HERPUD2: variants seen among roughly 807,000 people sequenced by gnomAD.
HERPUD2 encodes HERPUD family member 2.
Under a neutral mutation model 49.9 loss-of-function variants are expected in HERPUD2, and 13 were observed. The observed-to-expected ratio is 0.26, with a 90% confidence interval of 0.17 to 0.41. The LOEUF (loss-of-function observed/expected upper bound fraction) is 0.41. HERPUD2 is among the 10% of genes least tolerant of loss of function. The probability of loss-of-function intolerance (pLI) is 1.00; values close to 1 mark genes in which losing one functional copy is unlikely to be tolerated. For synonymous variants in HERPUD2, 172 were observed against 171.4 expected (o/e 1.00, Z -0.03); for missense variants, 449 against 492.2 (o/e 0.91, Z 0.83).
intron 5 of HERPUD2, among the ~76,000 whole-genome samples, chr7:35,641,089 A>G (rs1366592443): frequency 2.0e-5 from 3 of 152,194 alleles, no homozygotes; most frequent in Non-Finnish European, 4.4e-5. Flanking sequence ...GTTGCAATAA[A>G]TTGTAGTTAA....
Position 35,637,634 on chromosome 7 carries a change from C to T in HERPUD2, c.617+716G>A, listed in dbSNP as rs568908373. Among the ~76,000 whole-genome samples the T allele has an allele frequency of 4.6e-5, 7 of 152,156 alleles. No homozygotes were observed. In the South Asian group the frequency reaches 1.5e-3, roughly 32 times the overall value. ...CACAGAGAGCTAACAACTAAGACCA[C>T]GCAAAAAAGAAATCCAAGAGAACTA... On this transcript the variant is annotated intron_variant, in intron 6 of 8. Transcript: ENST00000311350.
At chr7:35,657,552 T>C (rs147657952) in intron 5 of HERPUD2, among the ~76,000 whole-genome samples, 170 of 136,280 alleles carry the variant, frequency 1.2e-3, no homozygotes, top group African/African-American at 4.7e-3. Context: ...AGCCCAGGAG[T>C]ATGATCATGC....
At chr7:35,662,650 G>C (rs192432245) in intron 5 of HERPUD2, among the ~76,000 whole-genome samples, 1 of 152,262 alleles carries the variant, frequency 6.6e-6, no homozygotes, top group East Asian at 1.9e-4. Context: ...AGATTTTCTA[G>C]TTTATTTGCG....
At chr7:35,661,294 G>C (rs548639033) in intron 5 of HERPUD2, among the ~76,000 whole-genome samples, 83 of 152,318 alleles carry the variant, frequency 5.4e-4, no homozygotes, top group African/African-American at 1.9e-3. Flanking sequence ...TTGTAGTATA[G>C]TTTGAGGTCA....
chr7:35,636,102 T>G (rs1247251039), intron 6 of HERPUD2, among the ~76,000 whole-genome samples: 1 of 152,190 alleles, frequency 6.6e-6, no homozygotes. Flanking sequence ...CAGTAAAGAA[T>G]AAATTTCCTA....
At position 35,633,507 on chromosome 7, in the gene HERPUD2, A is replaced by C. The variant is rs1455599724; in HGVS notation, c.*183T>G. ...TAGGATCTTTAAAAAAAAAAAAAAAAAACTCAGATATTTAGTAGTCCATTC... is the reference window on the plus strand; with the variant it reads ...TAGGATCTTTAAAAAAAAAAAAAAACAACTCAGATATTTAGTAGTCCATTC... On this transcript the variant is annotated 3_prime_UTR_variant, in exon 9 of 9. Coordinates refer to ENST00000311350, the MANE Select transcript of HERPUD2 (RefSeq NM_022373.5). 4 of 455,830 alleles carry C rather than the reference A, an allele frequency of 8.8e-6. No individual in the cohort carries two copies. The highest frequency in any genetic ancestry group is 7.9e-5 in the Admixed American group (2 of 25,414). The allele number at this position is 455,830 out of a possible 1,614,324, so 28.2% of individuals were successfully genotyped here.
intron 5 of HERPUD2, among the ~76,000 whole-genome samples, chr7:35,646,267 G>A (rs1264240120): frequency 1.3e-5 from 2 of 152,074 alleles, no homozygotes; most frequent in Non-Finnish European, 2.9e-5. Context: ...CATTTACAAA[G>A]TAAAGGATAA....
chr7:35,644,152 C>A lies in HERPUD2; in HGVS notation c.495-5680G>T, dbSNP rs571499061. Among the ~76,000 whole-genome samples, 181 of 151,974 alleles carry A rather than the reference C, an allele frequency of 1.2e-3. 1 individual carries two copies. The highest frequency in any genetic ancestry group is 4.2e-3 in the African/African-American group (174 of 41,468). On this transcript the variant is annotated intron_variant, in intron 5 of 8. Coordinates refer to ENST00000311350, the MANE Select transcript of HERPUD2 (RefSeq NM_022373.5). ...ATACCAAAGATGATTTGTGAAAACT[C>A]TTTAACTTTTAACCTAAATTTGATA...
At chr7:35,660,563 C>T (rs376431468) in intron 5 of HERPUD2, among the ~76,000 whole-genome samples, 4 of 152,266 alleles carry the variant, frequency 2.6e-5, no homozygotes, top group East Asian at 3.9e-4. Flanking sequence ...TTTTAATGAT[C>T]GCCATTCTAA....
At position 35,694,269 on chromosome 7, in the gene HERPUD2, T is replaced by C; in HGVS notation, c.62A>G (p.Tyr21Cys). Residue 21 changes from tyrosine (Y) to cysteine (C), a missense_variant, in exon 2 of 9, where the codon TAC becomes TGC. Coordinates refer to ENST00000311350, the MANE Select transcript of HERPUD2 (RefSeq NM_022373.5). ...GAAGCAGCTAATAGTCTGGTCACTG[T>C]ATTTCTGATTCGGTGCTTTAATGAT... ...TLIIKAPNQK[Y>C]SDQTISCFLN... 2 of 1,614,108 alleles carry C rather than the reference T, an allele frequency of 1.2e-6. No individual in the cohort carries two copies. Among genetic ancestry groups the C allele is most frequent in the South Asian group, 1.1e-5 (1 of 91,086 alleles).
intron 6 of HERPUD2, 42 bp from the exon 7 acceptor site, chr7:35,635,500 C>T: frequency 6.7e-7 from 1 of 1,482,026 alleles, no homozygotes; most frequent in Non-Finnish European, 9.2e-7. Context: ...GAAAAAAAAA[C>T]TTTACCATAC....
chr7:35,661,331 C>G (rs1785417124), intron 5 of HERPUD2, among the ~76,000 whole-genome samples: 1 of 152,158 alleles, frequency 6.6e-6, no homozygotes, highest in Non-Finnish European at 1.5e-5. Context: ...CAACTTTGTT[C>G]TTTTGGCTTA....
At chr7:35,657,430 C>A (rs1355519216) in intron 5 of HERPUD2, among the ~76,000 whole-genome samples, 1 of 151,862 alleles carries the variant, frequency 6.6e-6, no homozygotes, top group Non-Finnish European at 1.5e-5. Flanking sequence ...ATTAGTACAG[C>A]CACTATGGAA....
At chr7:35,635,070 A>G (rs1199140562) in intron 7 of HERPUD2, 65 bp downstream of exon 7, 1 of 1,203,656 alleles carries the variant, frequency 8.3e-7, no homozygotes, top group Non-Finnish European at 1.2e-6. Context: ...AGACTACCCT[A>G]CACCAGATTC....
chr7:35,650,275 AC>A lies in HERPUD2; in HGVS notation c.495-11804del, dbSNP rs574663533. Among the ~76,000 whole-genome samples the A allele has an allele frequency of 6.6e-4, 101 of 152,076 alleles. 1 individual carries two copies. The highest frequency in any genetic ancestry group is 2.3e-3 in the African/African-American group (95 of 41,498). On this transcript the variant is annotated intron_variant, in intron 5 of 8. Coordinates refer to ENST00000311350, the MANE Select transcript of HERPUD2 (RefSeq NM_022373.5). ...AGAGGGAAGCAAGGCAGCCTGCTGC[AC>A]TGGATGGGCTGGGAGCCTGGAAAGG...
intron 5 of HERPUD2, among the ~76,000 whole-genome samples, chr7:35,642,503 T>C (rs1454127858): frequency 6.6e-6 from 1 of 152,184 alleles, no homozygotes; most frequent in African/African-American, 2.4e-5. Context: ...TAAAGACATA[T>C]GCATGTGAAT....
intron 2 of HERPUD2, among the ~76,000 whole-genome samples, chr7:35,679,688 TTG>T (rs1259721162): frequency 1.3e-5 from 2 of 152,158 alleles, no homozygotes; most frequent in Non-Finnish European, 2.9e-5. Context: ...AGTTGCAAAT[TTG>T]TCTCTCTGTC....
In HERPUD2 at chr7:35,694,456, GT is replaced by G; in HGVS notation, c.-127del. The G allele has an allele frequency of 1.0e-6, 1 of 956,790 alleles. No homozygotes were observed. Among genetic ancestry groups the G allele is most frequent in the Non-Finnish European group, 1.6e-6 (1 of 623,428 alleles). 59.3% of individuals were successfully genotyped at this position (956,790 alleles called of 1,614,324 possible). A position where few individuals can be genotyped will look rare whatever the true frequency, so the allele number is the denominator to read the frequency against. ...TTCTTAGTATTCCGTGTCCAAGTCA[GT>G]TACAAGTGCACTGGAGGATACGAAG... On this transcript the variant is annotated 5_prime_UTR_variant, in exon 2 of 9. The change abolishes the stop of an existing upstream ORF in the 5' untranslated region. Transcript: ENST00000311350.
In HERPUD2 at chr7:35,670,258, G is replaced by C; in HGVS notation, c.296C>G (p.Thr99Ser). 1 of 1,589,016 alleles carries C rather than the reference G, an allele frequency of 6.3e-7. No individual in the cohort carries two copies. The highest frequency in any genetic ancestry group is 8.6e-7 in the Non-Finnish European group (1 of 1,165,320). Residue 99 changes from threonine (T) to serine (S), a missense_variant, in exon 4 of 9, where the codon ACC becomes AGC. Physicochemically the swap from Thr to Ser is moderately conservative, Grantham distance 58 (BLOSUM62 1). Coordinates refer to ENST00000311350, the MANE Select transcript of HERPUD2 (RefSeq NM_022373.5). ...CAATGCTTCATGACTTTCTCTATTGGTGCTGGATTTTGGAGAACTGGGAGG... is the reference window on the plus strand; with the variant it reads ...CAATGCTTCATGACTTTCTCTATTGCTGCTGGATTTTGGAGAACTGGGAGG... ...RTPPSSPKSS[T>S]NRESHEALAS... is the part of the protein sequence containing the mutation.
Sources: allele counts gnomAD v4.1 joint callset (sites outside exome capture counted in the v4.1 genomes callset), GRCh38; gene constraint gnomAD v4.1.1; transcripts MANE v1.5; gene names NCBI Gene and HGNC (gene_info 2026-07-23, HGNC 2026-07-21).